TAB3: variants seen among roughly 807,000 people sequenced by gnomAD.
The protein encoded by TAB3 is TGF-beta activated kinase 1 (MAP3K7) binding protein 3.
A neutral mutation model predicts 48.1 loss-of-function variants in TAB3; 18 were observed. The observed-to-expected ratio is 0.37, with a 90% CI of 0.26 to 0.55. The LOEUF is 0.55. Ranked by LOEUF, TAB3 falls within the 20% of genes least tolerant of loss-of-function variation. The pLI is 0.78. For missense variants in TAB3, 414 were observed against 549.8 expected, an observed-to-expected ratio of 0.75 and a Z score of 2.47; for synonymous variants, 185 against 190.2, an observed-to-expected ratio of 0.97 and a Z score of 0.22.
intron 1 of TAB3, among the ~76,000 whole-genome samples, chrX:30,876,245 C>T (rs753156428): frequency 5.4e-5 from 6 of 111,873 alleles, no homozygotes; most frequent in Non-Finnish European, 9.4e-5. Context: ...CACACACACA[C>T]ATACACTCCT....
chrX:30,831,305 C>A lies in TAB3; in HGVS notation c.*122G>T. 1.2e-6 allele frequency: 1 copy of A among 846,274 alleles called. No individual in the cohort carries two copies. Among genetic ancestry groups the A allele is most frequent in the Non-Finnish European group, 1.6e-6 (1 of 628,827 alleles). 69.7% of individuals were successfully genotyped at this position (846,274 alleles called of 1,213,427 possible). ...GCACAACGACGACCACAAAGCCATT[C>A]CTCCTCCCCGCTGTGCAATCGAAAA... On this transcript the variant is annotated 3_prime_UTR_variant, in exon 11 of 11. Coordinates refer to ENST00000288422, the MANE Select transcript of TAB3 (RefSeq NM_152787.5).
intron 5 of TAB3, among the ~76,000 whole-genome samples, chrX:30,858,827 C>T (rs1939157093): frequency 9.0e-6 from 1 of 111,423 alleles, no homozygotes; most frequent in Non-Finnish European, 1.9e-5. Flanking sequence ...ATTCTGTCTT[C>T]GAGATGAGAT....
intron 1 of TAB3, among the ~76,000 whole-genome samples, chrX:30,884,771 C>T (rs1940085822): frequency 8.9e-6 from 1 of 111,939 alleles, no homozygotes; most frequent in Non-Finnish European, 1.9e-5. Flanking sequence ...CAGTATGTAA[C>T]CTCAACACGC....
At chrX:30,836,659 A>T (rs1938224788) in intron 9 of TAB3, 1 of 111,227 alleles carries the variant, frequency 9.0e-6, no homozygotes, top group Non-Finnish European at 1.9e-5. Flanking sequence ...CCCGGGCAAC[A>T]TGGCGAAACC....
rs1248328767 is a variant in TAB3 at position 30,868,451 on chromosome X, TTA to T, written c.-279-904_-279-903del. Among the ~76,000 whole-genome samples the T allele has an allele frequency of 3.7e-4, 14 of 37,531 alleles. 2 individuals are homozygous for T. Among genetic ancestry groups the T allele is most frequent in the African/African-American group, 4.9e-4 (4 of 8,162 alleles). 32.6% of individuals were successfully genotyped at this position (37,531 alleles called of 115,157 possible). On this transcript the variant is annotated intron_variant, in intron 2 of 10. Transcript: ENST00000288422. ...TATATATATAGCTTATATATATAGC[TTA>T]TATATATATATAGCTTATATATATA... is the stretch of plus-strand genomic sequence containing the variant.
chrX:30,884,746 CACAA>C (rs1289553458), intron 1 of TAB3, among the ~76,000 whole-genome samples: 1 of 112,034 alleles, frequency 8.9e-6, no homozygotes, highest in African/African-American at 3.3e-5. Context: ...GTCTGAACAT[CACAA>C]ACAGTGGTAA....
chrX:30,837,932 C>G (rs1938288697), intron 9 of TAB3, among the ~76,000 whole-genome samples: 1 of 112,169 alleles, frequency 8.9e-6, no homozygotes, highest in Admixed American at 9.4e-5. Context: ...AAAAATGTTC[C>G]TTTGTCTATT....
Position 30,828,364 on chromosome X carries a change from C to A in TAB3, c.*3063G>T, listed in dbSNP as rs1034151649. ...CTTAAAAATTAAACTGCTTATCACA[C>A]TTCCCATTTCTTCCAGGGAAATAAA... On this transcript the variant is annotated 3_prime_UTR_variant, in exon 11 of 11. Transcript: ENST00000288422. 8.8e-6 allele frequency: 1 copy of A among 113,783 alleles called. No individual in the cohort carries two copies. Among genetic ancestry groups the A allele is most frequent in the Non-Finnish European group, 1.9e-5 (1 of 53,294 alleles). The allele number at this position is 113,783 out of a possible 1,213,427, so 9.4% of individuals were successfully genotyped here.
chrX:30,860,945 A>G (rs1939231376), intron 4 of TAB3, among the ~76,000 whole-genome samples: 1 of 111,987 alleles, frequency 8.9e-6, no homozygotes, highest in Admixed American at 9.4e-5. Context: ...TTACTCTCAA[A>G]CAGTTCAGAA....
At chrX:30,859,926 A>T (rs911655581) in intron 4 of TAB3, among the ~76,000 whole-genome samples, 3 of 107,261 alleles carry the variant, frequency 2.8e-5, no homozygotes, top group African/African-American at 1.0e-4. Flanking sequence ...CACCTATTTA[A>T]AAAAAAAAAA....
intron 1 of TAB3, among the ~76,000 whole-genome samples, chrX:30,885,833 T>C (rs1330316667): frequency 9.0e-6 from 1 of 111,647 alleles, no homozygotes; most frequent in African/African-American, 3.3e-5. Flanking sequence ...GGGTAAGAGA[T>C]CTTATCCGCA....
chrX:30,850,213 G>A (rs1938787379), intron 7 of TAB3, among the ~76,000 whole-genome samples: 1 of 111,626 alleles, frequency 9.0e-6, no homozygotes, highest in South Asian at 3.8e-4. Context: ...CACTAGGCTT[G>A]GCAATGGAAA....
intron 7 of TAB3, among the ~76,000 whole-genome samples, chrX:30,851,086 A>G (rs1424586243): frequency 8.9e-6 from 1 of 112,329 alleles, no homozygotes; most frequent in Non-Finnish European, 1.9e-5. Flanking sequence ...AATGAGGCAG[A>G]AATTTGATTT....
rs1426751316 is a variant in TAB3, at chrX:30,854,112, T to C, written c.1549+4A>G. 8.5e-7 allele frequency: 1 copy of C among 1,173,847 alleles called. No homozygotes were observed. Among genetic ancestry groups the C allele is most frequent in the Admixed American group, 2.8e-5 (1 of 36,288 alleles). ...TTAAATTTCATAAAAGGGTTAAAAT[T>C]TACCTTGTGTGTAGGCATAGTCATC... On this transcript the variant is annotated splice_donor_region_variant and intron_variant, in intron 6 of 10. Transcript: ENST00000288422.
At chrX:30,857,513 G>A (rs148935751) in intron 5 of TAB3, among the ~76,000 whole-genome samples, 1,532 of 110,656 alleles carry the variant, frequency 0.014, 11 homozygotes, top group Non-Finnish European at 0.021. Context: ...AGGTAGTCAT[G>A]GATACTTTAA....
At chrX:30,888,298 C>T (rs765856377) in intron 1 of TAB3, among the ~76,000 whole-genome samples, 3 of 112,584 alleles carry the variant, frequency 2.7e-5, no homozygotes, top group Non-Finnish European at 5.6e-5. Flanking sequence ...ACAAACGTCA[C>T]TGAAGAAACA....
At chrX:30,888,921 C>T (rs1463422089) in intron 1 of TAB3, among the ~76,000 whole-genome samples, 193 bp downstream of exon 1, 1 of 113,308 alleles carries the variant, frequency 8.8e-6, no homozygotes, top group African/African-American at 3.2e-5. Flanking sequence ...CGCGGACGCG[C>T]CAGGCCCTGC....
Position 30,870,795 on chromosome X carries a change from G to GCTACA in TAB3, c.-280+903_-280+904insTGTAG, listed in dbSNP as rs1464757685. Among the ~76,000 whole-genome samples, 3 of 111,822 alleles carry GCTACA rather than the reference G, an allele frequency of 2.7e-5. No homozygotes were observed. The Admixed American group carries it at 2.9e-4, about 11-fold the overall frequency. On this transcript the variant is annotated intron_variant, in intron 2 of 10. Coordinates refer to ENST00000288422, the MANE Select transcript of TAB3 (RefSeq NM_152787.5). ...CATCTGACAGGCAGAGTCCAGAGAT[G>GCTACA]CTGCTAAACATCCTACACTGCACAG...
chrX:30,841,666 ACT>A (rs1263493391), intron 9 of TAB3, among the ~76,000 whole-genome samples: 2 of 111,245 alleles, frequency 1.8e-5, no homozygotes, highest in East Asian at 2.8e-4. Context: ...TAAATGTTAT[ACT>A]CTCTGGTAAT....
Sources: allele counts gnomAD v4.1 joint callset (sites outside exome capture counted in the v4.1 genomes callset), GRCh38; gene constraint gnomAD v4.1.1; transcripts MANE v1.5; gene names NCBI Gene and HGNC (gene_info 2026-07-23, HGNC 2026-07-21).